The following FSHR variants were observed in gnomAD, a reference collection of about 807,000 sequenced individuals.
FSHR encodes follicle stimulating hormone receptor.
In FSHR, 46 loss-of-function variants were observed where a neutral mutation model predicts 52.1. The ratio of observed to expected loss-of-function variants is 0.88; its 90% CI spans 0.70 to 1.13. The LOEUF (loss-of-function observed/expected upper bound fraction) is 1.13. FSHR is among the 50% of genes most tolerant of loss of function. The pLI, the probability that FSHR is intolerant of heterozygous loss-of-function variation, is 0.00. For missense variants in FSHR, 964 were observed against 834.6 expected (o/e 1.16, Z -1.91); for synonymous variants, 399 against 309.6 (o/e 1.29, Z -3.03).
chr2:48,995,673 G>C (rs930198725), intron 4 of FSHR, among the ~76,000 whole-genome samples: 2 of 152,102 alleles, frequency 1.3e-5, no homozygotes, highest in African/African-American at 4.8e-5. Context: ...CCTGAGCAGA[G>C]CTGGCCCATG....
At chr2:49,139,527 G>C (rs1441098057) in intron 1 of FSHR, among the ~76,000 whole-genome samples, 3 of 152,014 alleles carry the variant, frequency 2.0e-5, no homozygotes, top group Admixed American at 2.0e-4. Context: ...TGAAATTAGG[G>C]TTGTGAGGCA....
At chr2:49,136,302 T>C (rs916159768) in intron 1 of FSHR, among the ~76,000 whole-genome samples, 1 of 151,990 alleles carries the variant, frequency 6.6e-6, no homozygotes, top group African/African-American at 2.4e-5. Context: ...CACAAACCAC[T>C]GAAACTGACT....
intron 2 of FSHR, among the ~76,000 whole-genome samples, chr2:49,046,732 T>C (rs746063223): frequency 2.7e-4 from 41 of 152,328 alleles, no homozygotes; most frequent in Non-Finnish European, 5.0e-4. Context: ...ACACATTTTG[T>C]AGCTCAAGAA....
intron 1 of FSHR, among the ~76,000 whole-genome samples, chr2:49,124,392 A>G (rs1459058375): frequency 6.6e-6 from 1 of 152,146 alleles, no homozygotes; most frequent in Non-Finnish European, 1.5e-5. Flanking sequence ...AAATATAATT[A>G]ATATTACATT....
At chr2:49,012,602 T>A (rs866741283) in intron 4 of FSHR, among the ~76,000 whole-genome samples, 3 of 152,146 alleles carry the variant, frequency 2.0e-5, no homozygotes, top group South Asian at 2.1e-4. Flanking sequence ...AAGTAGCAAC[T>A]CACCCCTACC....
intron 1 of FSHR, among the ~76,000 whole-genome samples, chr2:49,110,921 G>A (rs945040121): frequency 6.6e-6 from 1 of 152,174 alleles, no homozygotes; most frequent in Non-Finnish European, 1.5e-5. Context: ...TAAGGGGACT[G>A]ATTCTTACAG....
chr2:49,056,413 G>T (rs1390919066), intron 2 of FSHR, among the ~76,000 whole-genome samples: 2 of 132,772 alleles, frequency 1.5e-5, no homozygotes, highest in Non-Finnish European at 1.6e-5. Flanking sequence ...AATAATAAAG[G>T]GATCAATTCA....
intron 4 of FSHR, chr2:48,997,429 A>G: frequency 1.0e-6 from 1 of 980,374 alleles, no homozygotes; most frequent in Non-Finnish European, 1.2e-6. Flanking sequence ...GCTTGGCTGC[A>G]GATTCTGTTC....
In FSHR at chr2:49,127,546, A is replaced by C. The variant is rs538991536; in HGVS notation, c.152+26720T>G. 6.2e-4 allele frequency among the ~76,000 whole-genome samples: 89 copies of C among 143,322 alleles called. 1 individual carries two copies. Among genetic ancestry groups the C allele is most frequent in the African/African-American group, 1.9e-3 (72 of 38,746 alleles). 94.0% of individuals were successfully genotyped at this position (143,322 alleles called of 152,430 possible). A position where few individuals can be genotyped will look rare whatever the true frequency, so the allele number is the denominator to read the frequency against. ...CACACACACACACACACACACACAC[A>C]CCCCATGTACACACAAATACATCTC... On this transcript the variant is annotated intron_variant, in intron 1 of 9. Transcript: ENST00000406846.
intron 6 of FSHR, among the ~76,000 whole-genome samples, chr2:48,984,510 A>G (rs573139103): frequency 6.6e-6 from 1 of 152,342 alleles, no homozygotes; most frequent in East Asian, 1.9e-4. Context: ...AAAAAATATT[A>G]TATAAGTACT....
chr2:49,144,529 A>C (rs762085657), intron 1 of FSHR, among the ~76,000 whole-genome samples: 112 of 152,350 alleles, frequency 7.4e-4, no homozygotes, highest in Non-Finnish European at 1.3e-3. Context: ...GCAGGATTCC[A>C]GATGACCTCT....
At chr2:48,990,736 C>G in intron 4 of FSHR, 99 bp from the exon 5 acceptor site, 1 of 816,144 alleles carries the variant, frequency 1.2e-6, no homozygotes, top group South Asian at 1.4e-5. Flanking sequence ...AATTTTGAAC[C>G]ATCAGAAAAA....
At chr2:49,103,899 T>C (rs1256087945) in intron 1 of FSHR, among the ~76,000 whole-genome samples, 1 of 152,056 alleles carries the variant, frequency 6.6e-6, no homozygotes, top group East Asian at 1.9e-4. Flanking sequence ...TGGTTTTCTT[T>C]TAGTGTGCCT....
rs569876745 is a variant in FSHR, at chr2:48,984,134, C to A, written c.525-968G>T. The stretch of plus-strand genomic sequence containing the variant: ...CTCCTGTGCATCCAGGACTCTCTTT[C>A]CTGGGCTGCCATGGGTAGCCAGAAA... On this transcript the variant is annotated intron_variant, in intron 6 of 9. Transcript: ENST00000406846. Among the ~76,000 whole-genome samples, 5 of 152,286 alleles carry A rather than the reference C, an allele frequency of 3.3e-5. No individual in the cohort carries two copies. The East Asian group carries it at 9.6e-4, about 29-fold the overall frequency.
chr2:49,007,999 T>C (rs138474854), intron 4 of FSHR, among the ~76,000 whole-genome samples: 2,255 of 152,116 alleles, frequency 0.015, 46 homozygotes, highest in African/African-American at 0.045. Flanking sequence ...ACATTTGTTT[T>C]GAATTTTCTT....
chr2:49,013,274 T>C (rs1351792365), intron 4 of FSHR, among the ~76,000 whole-genome samples: 1 of 151,632 alleles, frequency 6.6e-6, no homozygotes, highest in African/African-American at 2.4e-5. Flanking sequence ...TGTTGTTTAA[T>C]TTACTTAGCG....
Position 49,124,728 on chromosome 2 carries a change from C to G in FSHR, c.152+29538G>C, listed in dbSNP as rs78087026. ...ACATGTATGTGATCCATCAACTCCT[C>G]TCAAATGGATTATTTTAATAGTCTC... is the stretch of plus-strand genomic sequence containing the variant. On this transcript the variant is annotated intron_variant, in intron 1 of 9. Transcript: ENST00000406846. Among the ~76,000 whole-genome samples, 1,378 of 152,316 alleles carry G rather than the reference C, an allele frequency of 9.0e-3. 22 individuals carry two copies. The highest frequency in any genetic ancestry group is 0.031 in the African/African-American group (1,294 of 41,564).
chr2:48,987,185 T>G (rs1675550679), intron 6 of FSHR, among the ~76,000 whole-genome samples: 2 of 151,744 alleles, frequency 1.3e-5, no homozygotes, highest in Admixed American at 1.3e-4. Context: ...TTTGTATTAT[T>G]ATTTTTATTT....
chr2:49,050,676 C>T (rs1161717052), intron 2 of FSHR, among the ~76,000 whole-genome samples: 1 of 152,256 alleles, frequency 6.6e-6, no homozygotes, highest in African/African-American at 2.4e-5. Flanking sequence ...CCTGTCTATA[C>T]AGTGTGAGTT....
Sources: allele counts gnomAD v4.1 joint callset (sites outside exome capture counted in the v4.1 genomes callset), GRCh38; gene constraint gnomAD v4.1.1; transcripts MANE v1.5; gene names NCBI Gene and HGNC (gene_info 2026-07-23, HGNC 2026-07-21).